EBF4: variants seen among roughly 807,000 people sequenced by gnomAD.
EBF4 encodes transcription factor COE4.
A neutral mutation model predicts 67.1 loss-of-function variants in EBF4; 34 were observed. The ratio of observed to expected loss-of-function variants is 0.51; its 90% CI spans 0.39 to 0.67. The LOEUF (loss-of-function observed/expected upper bound fraction) is 0.67. Ranked by LOEUF, EBF4 falls within the 30% of genes least tolerant of loss-of-function variation. The pLI is 0.00. For missense variants in EBF4, 837 were observed against 873.3 expected, an observed-to-expected ratio of 0.96 and a Z score of 0.52; for synonymous variants, 387 against 377.7, an observed-to-expected ratio of 1.02 and a Z score of -0.29.
chr20:2,714,276 CTCCT>C lies in EBF4; in HGVS notation c.557+4653_557+4656del, dbSNP rs752211201. ...CATATCCTGTGCTTATTTTTCTTTT[CTCCT>C]TCCTTCCTTCCTTCCTTCTTTCCTT... On this transcript the variant is annotated intron_variant, in intron 6 of 16. Coordinates refer to ENST00000609451, the Ensembl canonical transcript of EBF4. 1.7e-3 allele frequency among the ~76,000 whole-genome samples: 250 copies of C among 151,414 alleles called. 1 individual carries two copies. Among genetic ancestry groups the C allele is most frequent in the Admixed American group, 5.3e-3 (81 of 15,192 alleles).
upstream of EBF4, chr20:2,693,297 C>G (rs1368037897): frequency 8.8e-5 from 17 of 192,132 alleles, no homozygotes; most frequent in Non-Finnish European, 1.7e-4. This position sits in a 1 kb window ranked among gnomAD's most constrained non-coding sequence, Gnocchi z 4.6. Context: ...ACCGCGGCCC[C>G]GGGCAGCCGC....
Position 2,751,556 on chromosome 20 carries a change from C to A in EBF4, c.1019-144C>A. On this transcript the variant is annotated intron_variant, in intron 10 of 16. Coordinates refer to ENST00000609451, the Ensembl canonical transcript of EBF4. The surrounding 1 kb of genome is among the most constrained non-coding windows in gnomAD (Gnocchi z 5.2). The stretch of plus-strand genomic sequence containing the variant: ...GCTGCCGGGGGTGCCTGGAGTTTTC[C>A]GGGGGACTTGGGCTGGGCCTGGTGG... 1.3e-6 allele frequency: 1 copy of A among 765,264 alleles called. No homozygotes were observed. Among genetic ancestry groups the A allele is most frequent in the Admixed American group, 2.8e-5 (1 of 35,556 alleles). The allele number at this position is 765,264 out of a possible 1,614,324, so 47.4% of individuals were successfully genotyped here.
chr20:2,699,481 A>G (rs1296522292), intron 1 of EBF4, among the ~76,000 whole-genome samples: 2 of 152,244 alleles, frequency 1.3e-5, no homozygotes, highest in African/African-American at 2.4e-5. Context: ...CAATGAAAAT[A>G]CAAAAGCGAG....
At chr20:2,758,909 A>G (rs762546290) in exon 16 of EBF4, 2 of 1,551,676 alleles carry the variant, frequency 1.3e-6, no homozygotes, top group Middle Eastern at 1.7e-4. Flanking sequence ...ACTACTGCAG[A>G]CCAGTCTTTT....
At chr20:2,709,453 TC>T in intron 5 of EBF4, 120 bp from the exon 6 acceptor site, 2 of 897,172 alleles carry the variant, frequency 2.2e-6, no homozygotes, top group Non-Finnish European at 3.2e-6. Context: ...GCCCAGGGAT[TC>T]CACACCCAGA....
chr20:2,731,516 G>A (rs980164973), intron 6 of EBF4, among the ~76,000 whole-genome samples: 4 of 152,182 alleles, frequency 2.6e-5, no homozygotes, highest in Non-Finnish European at 4.4e-5. Flanking sequence ...GCCACACCCT[G>A]CTGCAAGGGA....
intron 6 of EBF4, among the ~76,000 whole-genome samples, chr20:2,737,219 C>T (rs35700721): frequency 0.11 from 15,411 of 141,340 alleles, 1,061 homozygotes; most frequent in East Asian, 0.26. Context: ...CACTGCACTC[C>T]AGCTTGGGTA....
At chr20:2,749,352 C>A (rs1211311219) in intron 7 of EBF4, 49 bp from the exon 8 acceptor site, 1 of 1,431,528 alleles carries the variant, frequency 7.0e-7, no homozygotes, top group Non-Finnish European at 9.4e-7. Flanking sequence ...ATTCCCCTCC[C>A]GGGAGCCCCC....
chr20:2,723,551 G>T lies in EBF4; in HGVS notation c.557+13909G>T, dbSNP rs370780371. ...TTTTTAATAGAGACGGGGTTTCACCGTGTTAGCCAGGATGGTCTCCATCTC... is the reference window on the plus strand; with the variant it reads ...TTTTTAATAGAGACGGGGTTTCACCTTGTTAGCCAGGATGGTCTCCATCTC... On this transcript the variant is annotated intron_variant, in intron 6 of 16. Transcript: ENST00000609451. Among the ~76,000 whole-genome samples, 241 of 151,802 alleles carry T rather than the reference G, an allele frequency of 1.6e-3. No homozygotes were observed. The South Asian group carries it at 0.02, about 13-fold the overall frequency.
intron 6 of EBF4, among the ~76,000 whole-genome samples, chr20:2,710,360 G>A (rs1342016124): frequency 6.6e-6 from 1 of 152,004 alleles, no homozygotes; most frequent in Non-Finnish European, 1.5e-5. Flanking sequence ...ATATTGCTCA[G>A]GCTGGTCTTG....
At chr20:2,722,676 G>A (rs944211318) in intron 6 of EBF4, among the ~76,000 whole-genome samples, 1 of 152,136 alleles carries the variant, frequency 6.6e-6, no homozygotes, top group African/African-American at 2.4e-5. Context: ...ATATTTGTAA[G>A]GTTTAGCCTG....
chr20:2,722,999 G>C (rs1404736300), intron 6 of EBF4, among the ~76,000 whole-genome samples: 3 of 152,084 alleles, frequency 2.0e-5, no homozygotes, highest in Non-Finnish European at 4.4e-5. Flanking sequence ...ATAATTGTCT[G>C]CTTGATCTAT....
chr20:2,733,516 A>T (rs2087841594), intron 6 of EBF4, among the ~76,000 whole-genome samples: 2 of 152,212 alleles, frequency 1.3e-5, no homozygotes, highest in African/African-American at 4.8e-5. Context: ...GTCCTGTTCC[A>T]TCTCTACTCT....
At position 2,710,240 on chromosome 20, in the gene EBF4, C is replaced by T. The variant is rs190090026; in HGVS notation, c.557+598C>T. On this transcript the variant is annotated intron_variant, in intron 6 of 16. Coordinates refer to ENST00000609451, the Ensembl canonical transcript of EBF4. ...CATGGCTCACTGCAGCCTCAATCTC[C>T]GAGGTTCCGGTGATCCTCCCACCTC... Among the ~76,000 whole-genome samples the T allele has an allele frequency of 1.4e-3, 217 of 152,274 alleles. 1 individual carries two copies. Among genetic ancestry groups the T allele is most frequent in the Non-Finnish European group, 1.2e-3 (85 of 68,026 alleles).
At chr20:2,734,842 A>C (rs2087857190) in intron 6 of EBF4, among the ~76,000 whole-genome samples, 1 of 152,044 alleles carries the variant, frequency 6.6e-6, no homozygotes, top group Admixed American at 6.6e-5. Flanking sequence ...GCGATTTACA[A>C]CTCTGCCTTG....
intron 6 of EBF4, among the ~76,000 whole-genome samples, chr20:2,726,629 G>T (rs187012087): frequency 6.6e-6 from 1 of 151,072 alleles, no homozygotes. Flanking sequence ...AGATTTAAAC[G>T]TGTTTTAATA....
intron 12 of EBF4, 41 bp downstream of exon 12, chr20:2,752,028 C>T: frequency 3.3e-6 from 5 of 1,505,388 alleles, no homozygotes; most frequent in Non-Finnish European, 4.4e-6. Flanking sequence ...GGGACCGGGG[C>T]CCCCCAGCAC....
In EBF4 at chr20:2,739,608, A is replaced by G. The variant is rs2087939943; in HGVS notation, c.558-8941A>G. The stretch of plus-strand genomic sequence containing the variant: ...TTAATAAATCTTTTTAAGTGGGTGT[A>G]TGGAATGAATGAGGGGATGAATGGC... On this transcript the variant is annotated intron_variant, in intron 6 of 16. Transcript: ENST00000609451. This position sits in a 1 kb window ranked among gnomAD's most constrained non-coding sequence, Gnocchi z 4.5. Among the ~76,000 whole-genome samples, 1 of 152,188 alleles carries G rather than the reference A, an allele frequency of 6.6e-6. No individual in the cohort carries two copies. Among genetic ancestry groups the G allele is most frequent in the African/African-American group, 2.4e-5 (1 of 41,446 alleles).
Position 2,707,392 on chromosome 20 carries a change from A to G in EBF4, c.415-555A>G, listed in dbSNP as rs8125446. 0.014 allele frequency among the ~76,000 whole-genome samples: 2,099 copies of G among 152,276 alleles called. 50 individuals carry two copies. The highest frequency in any genetic ancestry group is 0.048 in the African/African-American group (1,982 of 41,534). On this transcript the variant is annotated intron_variant, in intron 4 of 16. Coordinates refer to ENST00000609451, the Ensembl canonical transcript of EBF4. The surrounding 1 kb of genome is among the most constrained non-coding windows in gnomAD (Gnocchi z 4.6). Reference sequence around the variant, plus strand: ...TGGAAGACTGGTGAGGAGGTGATGCAGCAGTCCCAGGGGAAGACCGAGCCT... The same window carrying G: ...TGGAAGACTGGTGAGGAGGTGATGCGGCAGTCCCAGGGGAAGACCGAGCCT...
Sources: gnomAD v4.1 joint callset for allele counts (sites outside exome capture counted in the v4.1 genomes callset) on GRCh38, gnomAD v4.1.1 for gene constraint, Gnocchi (gnomAD v3.1) non-coding constraint, MANE v1.5 for transcripts, NCBI Gene and HGNC (gene_info 2026-07-23, HGNC 2026-07-21) for gene names.